The following SNU13 variants were observed in gnomAD, a reference collection of about 807,000 sequenced individuals.
SNU13 encodes small nuclear ribonucleoprotein 13.
In SNU13, 2 loss-of-function variants were observed where a neutral mutation model predicts 12.4. The ratio of observed to expected loss-of-function variants is 0.16; its 90% CI spans 0.07 to 0.51. The LOEUF (loss-of-function observed/expected upper bound fraction) is 0.51. Ranked by LOEUF, SNU13 falls within the 20% of genes least tolerant of loss-of-function variation. SNU13 has a pLI of 0.96. For synonymous variants in SNU13, 68 were observed against 66.5 expected (o/e 1.02, Z -0.11); for missense variants, 66 against 157.8 (o/e 0.42, Z 3.12).
chr22:41,676,282 G>A (rs2068213177), intron 2 of SNU13, among the ~76,000 whole-genome samples: 1 of 152,104 alleles, frequency 6.6e-6, no homozygotes, highest in South Asian at 2.1e-4. Flanking sequence ...CGTTTCAGAT[G>A]CGTACTCTCC....
At chr22:41,689,041 G>A (rs908943210), upstream of SNU13, 11 of 1,248,580 alleles carry the variant, frequency 8.8e-6, no homozygotes, top group African/African-American at 1.5e-4. Context: ...CAAATTATTG[G>A]CAGAAACAAT....
At chr22:41,689,090 A>G, upstream of SNU13, 1 of 1,143,776 alleles carries the variant, frequency 8.7e-7, no homozygotes, top group Non-Finnish European at 1.1e-6. Context: ...GGCCGGCCGC[A>G]GCGGCTTATG....
chr22:41,689,042 C>A (rs941690578), upstream of SNU13: 12 of 1,247,552 alleles, frequency 9.6e-6, no homozygotes, highest in African/African-American at 1.5e-4. Flanking sequence ...AAATTATTGG[C>A]AGAAACAATG....
intron 1 of SNU13, among the ~76,000 whole-genome samples, chr22:41,684,230 G>C (rs2068290836): frequency 6.6e-6 from 1 of 152,170 alleles, no homozygotes; most frequent in Non-Finnish European, 1.5e-5. Flanking sequence ...ATAGGCAAAA[G>C]AAAGAGAAAG....
rs868714099 is a variant in SNU13 at position 41,674,564 on chromosome 22, C to T, written c.*369G>A. ...ACACAATGAATGCTGTTTAATTCCACCACACCCCGCACACAACAGGAAGCT... is the reference window on the plus strand; with the variant it reads ...ACACAATGAATGCTGTTTAATTCCATCACACCCCGCACACAACAGGAAGCT... On this transcript the variant is annotated 3_prime_UTR_variant, in exon 3 of 3. Transcript: ENST00000401959. The T allele has an allele frequency of 1.5e-4, 36 of 233,954 alleles. No individual in the cohort carries two copies. Among genetic ancestry groups the T allele is most frequent in the Middle Eastern group, 1.6e-3 (1 of 624 alleles). 14.5% of individuals were successfully genotyped at this position (233,954 alleles called of 1,614,324 possible). A position where few individuals can be genotyped will look rare whatever the true frequency, so the allele number is the denominator to read the frequency against.
intron 2 of SNU13, among the ~76,000 whole-genome samples, chr22:41,679,239 TCTCTA>T (rs1166278111): frequency 6.7e-6 from 1 of 150,114 alleles, no homozygotes; most frequent in Admixed American, 6.7e-5. Context: ...TGAAACCTCG[TCTCTA>T]CTTGAAAAAA....
chr22:41,682,527 G>A (rs2068273949), intron 1 of SNU13: 1 of 1,514,782 alleles, frequency 6.6e-7, no homozygotes, highest in Non-Finnish European at 8.8e-7. Flanking sequence ...CCGTACACCA[G>A]GACGCCCTGT....
At chr22:41,675,296 T>C (rs531548500) in intron 2 of SNU13, 101 bp from the exon 3 acceptor site, 5 of 1,423,076 alleles carry the variant, frequency 3.5e-6, no homozygotes, top group East Asian at 2.3e-5. Flanking sequence ...TTATGTGTCC[T>C]AGACCGGCCC....
Position 41,688,818 on chromosome 22 carries a change from G to A in SNU13, c.-22C>T, listed in dbSNP as rs757228709. 1 of 1,598,708 alleles carries A rather than the reference G, an allele frequency of 6.3e-7. No individual in the cohort carries two copies. Among genetic ancestry groups the A allele is most frequent in the Non-Finnish European group, 8.6e-7 (1 of 1,169,548 alleles). ...CCATGGCTGCGGTTCCGCGGGCTCA[G>A]CACTCCTAGGGGAGCGCAGCTGACG... is the stretch of plus-strand genomic sequence containing the variant. On this transcript the variant is annotated 5_prime_UTR_variant, in exon 1 of 3. Transcript: ENST00000401959.
At chr22:41,681,015 C>T (rs764491887) in intron 1 of SNU13, among the ~76,000 whole-genome samples, 5 of 152,162 alleles carry the variant, frequency 3.3e-5, no homozygotes, top group Non-Finnish European at 7.3e-5. Flanking sequence ...TTTGAACTTC[C>T]GTATTCCACC....
At position 41,680,350 on chromosome 22, in the gene SNU13, C is replaced by T. The variant is rs756484847; in HGVS notation, c.18G>A (p.Val6=). Residue 6 remains valine, a synonymous_variant, in exon 2 of 3, where the codon GTG becomes GTA. Transcript: ENST00000401959. ...CGGCAAGGGGATAGGCCTTTGGATT[C>T]ACATCAGCCTCAGTCTATGGGGGGG... MTEAD[V]NPKAYPLADA... The T allele has an allele frequency of 6.2e-7, 1 of 1,613,674 alleles. No individual in the cohort carries two copies. Among genetic ancestry groups the T allele is most frequent in the East Asian group, 2.2e-5 (1 of 44,862 alleles).
At chr22:41,690,456 C>T (rs1260825837), upstream of SNU13, 9 of 724,896 alleles carry the variant, frequency 1.2e-5, no homozygotes, top group Non-Finnish European at 2.0e-5. Context: ...GCATGCTAAC[C>T]AGGCCTGGCA....
In SNU13 at chr22:41,674,698, T is replaced by G; in HGVS notation, c.*235A>C. The stretch of plus-strand genomic sequence containing the variant: ...CCCTGCTTCTGTCTGCTCTGAACAC[T>G]TGTTCCAAAAAGGGAGGATAAAAGG... On this transcript the variant is annotated 3_prime_UTR_variant, in exon 3 of 3. Coordinates refer to ENST00000401959, the MANE Select transcript of SNU13 (RefSeq NM_001003796.2). 1 of 549,298 alleles carries G rather than the reference T, an allele frequency of 1.8e-6. No individual in the cohort carries two copies. The highest frequency in any genetic ancestry group is 3.2e-6 in the Non-Finnish European group (1 of 316,554). 34.0% of individuals were successfully genotyped at this position (549,298 alleles called of 1,614,324 possible). A position where few individuals can be genotyped will look rare whatever the true frequency, so the allele number is the denominator to read the frequency against.
chr22:41,685,599 A>G (rs13055632), intron 1 of SNU13, among the ~76,000 whole-genome samples: 124,806 of 150,398 alleles, frequency 0.83, 52,742 homozygotes, highest in African/African-American at 0.95. Context: ...TGATCCGCCC[A>G]CCTCAGCCTC....
upstream of SNU13, chr22:41,688,889 G>C: frequency 6.7e-7 from 1 of 1,494,170 alleles, no homozygotes; most frequent in Non-Finnish European, 9.0e-7. Flanking sequence ...AGAAGCAGCA[G>C]CGGAAATGGC....
intron 1 of SNU13, among the ~76,000 whole-genome samples, chr22:41,681,849 T>C (rs1240088254): frequency 6.6e-6 from 1 of 152,266 alleles, no homozygotes; most frequent in South Asian, 2.1e-4. Flanking sequence ...CACTCCAGCG[T>C]GGGCGACAGA....
At chr22:41,682,604 G>A in intron 1 of SNU13, 2 of 1,421,782 alleles carry the variant, frequency 1.4e-6, no homozygotes, top group Non-Finnish European at 1.8e-6. Context: ...AGAATTAGGT[G>A]AAGGATGGAG....
upstream of SNU13, among the ~76,000 whole-genome samples, chr22:41,689,753 G>A (rs1206808422): frequency 1.3e-5 from 2 of 151,950 alleles, no homozygotes; most frequent in South Asian, 2.1e-4. Context: ...TGAGGCGGGC[G>A]GATCACCTGA....
chr22:41,680,667 C>T (rs2068255788), intron 1 of SNU13, among the ~76,000 whole-genome samples: 1 of 152,146 alleles, frequency 6.6e-6, no homozygotes, highest in Admixed American at 6.6e-5. Flanking sequence ...CCCATGGCTC[C>T]GCATCCATTT....
Sources: gnomAD v4.1 joint callset for allele counts (sites outside exome capture counted in the v4.1 genomes callset) on GRCh38, gnomAD v4.1.1 for gene constraint, MANE v1.5 for transcripts, NCBI Gene and HGNC (gene_info 2026-07-23, HGNC 2026-07-21) for gene names.